GABBR2: variants seen among roughly 807,000 people sequenced by gnomAD.
The protein encoded by GABBR2 is gamma-aminobutyric acid type B receptor subunit 2, also known as G-protein coupled receptor 51.
A neutral mutation model predicts 105.6 loss-of-function variants in GABBR2; 23 were observed. The observed-to-expected ratio is 0.22, with a 90% CI of 0.16 to 0.31. The LOEUF (loss-of-function observed/expected upper bound fraction) is 0.31, where lower values mean the gene tolerates loss of function less well. Among genes scored for constraint, GABBR2 ranks in the 10% least tolerant of loss-of-function variants. The pLI, the probability that GABBR2 is intolerant of heterozygous loss-of-function variation, is 1.00. For synonymous variants in GABBR2, 478 were observed against 499.7 expected, an observed-to-expected ratio of 0.96 and a Z score of 0.58; for missense variants, 734 against 1,245.5, an observed-to-expected ratio of 0.59 and a Z score of 6.18.
chr9:98,650,670 G>A (rs901521225), intron 1 of GABBR2, among the ~76,000 whole-genome samples: 2 of 152,210 alleles, frequency 1.3e-5, no homozygotes, highest in East Asian at 3.8e-4. Flanking sequence ...AAAGCCAAGA[G>A]GGGGAGGCAA....
chr9:98,485,506 GCA>G (rs34581669), intron 4 of GABBR2, among the ~76,000 whole-genome samples: 35,325 of 150,720 alleles, frequency 0.23, 4,584 homozygotes, highest in East Asian at 0.52. Context: ...ACACACGCAG[GCA>G]CACACACACA....
Position 98,651,257 on chromosome 9 carries a change from T to C in GABBR2, c.321+57160A>G, listed in dbSNP as rs1314894346. Among the ~76,000 whole-genome samples the C allele has an allele frequency of 1.4e-4, 21 of 151,676 alleles. 1 individual carries two copies. The highest frequency in any genetic ancestry group is 1.1e-3 in the Admixed American group (17 of 15,184). ...CTCCTGGGTTCAAGTGATTCTCCTG[T>C]CTCAGCCTCTTGAGTAGCTGGGATT... On this transcript the variant is annotated intron_variant, in intron 1 of 18. Coordinates refer to ENST00000259455, the MANE Select transcript of GABBR2 (RefSeq NM_005458.8).
At chr9:98,506,528 G>A (rs1047798105) in intron 3 of GABBR2, among the ~76,000 whole-genome samples, 10 of 152,214 alleles carry the variant, frequency 6.6e-5, no homozygotes, top group Admixed American at 6.5e-5. Context: ...GCTGCATGCT[G>A]AGGCTGAAGA....
chr9:98,557,526 GA>G (rs1322847027), intron 2 of GABBR2, among the ~76,000 whole-genome samples: 1 of 152,172 alleles, frequency 6.6e-6, no homozygotes, highest in East Asian at 1.9e-4. Flanking sequence ...ATTCAAGAGT[GA>G]ATCAAAATCT....
intron 1 of GABBR2, among the ~76,000 whole-genome samples, chr9:98,626,393 T>C (rs1427531735): frequency 6.6e-6 from 1 of 152,202 alleles, no homozygotes; most frequent in Non-Finnish European, 1.5e-5. Flanking sequence ...GTGAATTGTA[T>C]GTTAGGTGAA....
chr9:98,333,488 CCCAG>C (rs1261472161), intron 13 of GABBR2, among the ~76,000 whole-genome samples: 18 of 152,104 alleles, frequency 1.2e-4, no homozygotes, highest in African/African-American at 4.3e-4. Flanking sequence ...TCCCGGTGGC[CCCAG>C]GCATTCCATG....
intron 1 of GABBR2, among the ~76,000 whole-genome samples, chr9:98,578,438 T>TA (rs1431227504): frequency 1.3e-5 from 2 of 151,954 alleles, no homozygotes; most frequent in Non-Finnish European, 2.9e-5. Context: ...TGGCTATCAT[T>TA]AAAAAAACAC....
At chr9:98,342,827 C>G (rs1564024636) in intron 13 of GABBR2, among the ~76,000 whole-genome samples, 1 of 152,180 alleles carries the variant, frequency 6.6e-6, no homozygotes, top group East Asian at 1.9e-4. Flanking sequence ...AGCACTTCCC[C>G]CACCCAGGCC....
rs1351584836 is a variant in GABBR2 at position 98,408,240 on chromosome 9, C to T, written c.1237-2099G>A. Among the ~76,000 whole-genome samples, 4 of 152,210 alleles carry T rather than the reference C, an allele frequency of 2.6e-5. No individual in the cohort carries two copies. The East Asian group carries it at 7.7e-4, about 29-fold the overall frequency. ...TGGGCCCCCAGCCACGATGTCTTCA[C>T]CTCCCAGAATCATCAGCCCCCAAAT... On this transcript the variant is annotated intron_variant, in intron 7 of 18. Transcript: ENST00000259455.
chr9:98,463,491 A>G (rs147129779), intron 6 of GABBR2, among the ~76,000 whole-genome samples: 1 of 152,212 alleles, frequency 6.6e-6, no homozygotes, highest in East Asian at 2.0e-4. Flanking sequence ...AGTAGTTATC[A>G]AGACTTATTA....
intron 1 of GABBR2, among the ~76,000 whole-genome samples, chr9:98,589,410 T>A (rs981506844): frequency 1.1e-4 from 16 of 152,146 alleles, no homozygotes; most frequent in Non-Finnish European, 2.2e-4. Context: ...AAGAAATAAC[T>A]TTCATGCATG....
intron 3 of GABBR2, among the ~76,000 whole-genome samples, chr9:98,524,353 A>G (rs1044558886): frequency 1.3e-5 from 2 of 152,258 alleles, no homozygotes; most frequent in Admixed American, 1.3e-4. Flanking sequence ...CAATCACGGC[A>G]AAATATAAAT....
At chr9:98,305,527 A>G (rs561571976) in intron 15 of GABBR2, among the ~76,000 whole-genome samples, 11 of 152,310 alleles carry the variant, frequency 7.2e-5, no homozygotes, top group African/African-American at 2.6e-4. Context: ...AAAAAGTATC[A>G]CCATAGGCTG....
intron 6 of GABBR2, among the ~76,000 whole-genome samples, chr9:98,463,999 A>G (rs552893259): frequency 1.3e-5 from 2 of 152,254 alleles, no homozygotes; most frequent in African/African-American, 2.4e-5. Context: ...TCCACCTCCC[A>G]GCCACCTGCC....
At chr9:98,308,434 A>G (rs1830584702) in intron 14 of GABBR2, among the ~76,000 whole-genome samples, 1 of 152,210 alleles carries the variant, frequency 6.6e-6, no homozygotes, top group Non-Finnish European at 1.5e-5. Context: ...TGTGGGTTGA[A>G]TGGTGACTCT....
chr9:98,507,109 A>G (rs113663851), intron 3 of GABBR2, among the ~76,000 whole-genome samples: 21 of 152,304 alleles, frequency 1.4e-4, no homozygotes, highest in African/African-American at 3.6e-4. Flanking sequence ...GGCTGATGGA[A>G]AACTGATTTC....
intron 13 of GABBR2, among the ~76,000 whole-genome samples, chr9:98,326,059 G>T (rs1368824344): frequency 2.0e-5 from 3 of 152,156 alleles, no homozygotes; most frequent in Non-Finnish European, 4.4e-5. Flanking sequence ...GCTACCAAAG[G>T]CTACTGATAA....
chr9:98,685,059 T>C (rs337525), intron 1 of GABBR2, among the ~76,000 whole-genome samples: 140,803 of 152,256 alleles, frequency 0.92, 65,264 homozygotes, highest in Middle Eastern at 0.97. Context: ...AGATGCAGAT[T>C]CACCCTCAAT....
intron 3 of GABBR2, among the ~76,000 whole-genome samples, chr9:98,541,482 C>T (rs1177967305): frequency 1.3e-5 from 2 of 152,114 alleles, no homozygotes; most frequent in African/African-American, 4.8e-5. Flanking sequence ...GTGACATTGG[C>T]ATCTTCGGTC....
Sources: gnomAD v4.1 joint callset for allele counts (sites outside exome capture counted in the v4.1 genomes callset) on GRCh38, gnomAD v4.1.1 for gene constraint, MANE v1.5 for transcripts, NCBI Gene and HGNC (gene_info 2026-07-23, HGNC 2026-07-21) for gene names.